Variants in NBPF3 observed in about 807,000 individuals in gnomAD.
NBPF3 encodes the protein NBPF family member NBPF3.
A neutral mutation model predicts 78.1 loss-of-function variants in NBPF3; 57 were observed. That is an observed-to-expected ratio of 0.73 (90% CI 0.59 to 0.91). The LOEUF (loss-of-function observed/expected upper bound fraction) is 0.91, where lower values mean the gene tolerates loss of function less well. NBPF3 is among the 40% of genes least tolerant of loss of function. NBPF3 has a pLI of 0.00. For missense variants in NBPF3, 510 were observed against 715.3 expected, an observed-to-expected ratio of 0.71 and a Z score of 3.27; for synonymous variants, 182 against 271.7, an observed-to-expected ratio of 0.67 and a Z score of 3.25.
rs7517116 is a variant in NBPF3, at chr1:21,473,312, A to C, written c.735-68A>C. The C allele has an allele frequency of 8.4e-6, 13 of 1,554,916 alleles. No individual in the cohort carries two copies. The Admixed American group carries it at 2.0e-4, about 24-fold the overall frequency. On this transcript the variant is annotated intron_variant, in intron 6 of 14. Coordinates refer to ENST00000318249, the MANE Select transcript of NBPF3 (RefSeq NM_032264.6). ...TTAATGCCTCCTGTCGAAACCAGCTAGCACTCCCTGGTGTCCAATCCCTCT... is the reference window on the plus strand; with the variant it reads ...TTAATGCCTCCTGTCGAAACCAGCTCGCACTCCCTGGTGTCCAATCCCTCT...
intron 2 of NBPF3, among the ~76,000 whole-genome samples, chr1:21,447,367 T>C (rs1378263318): frequency 6.6e-6 from 1 of 152,200 alleles, no homozygotes; most frequent in Non-Finnish European, 1.5e-5. Flanking sequence ...TACAGCGTCA[T>C]GCGAAATAGT....
chr1:21,437,922 T>G (rs563419235), upstream of NBPF3, among the ~76,000 whole-genome samples: 21 of 152,108 alleles, frequency 1.4e-4, no homozygotes, highest in South Asian at 4.2e-3. Context: ...CCTCCCAGGT[T>G]TAAGCAATTC....
chr1:21,437,628 T>G, upstream of NBPF3: 1 of 386,380 alleles, frequency 2.6e-6, no homozygotes, highest in Non-Finnish European at 4.6e-6. Context: ...TGCACTAATA[T>G]GGTCGCCACT....
At chr1:21,437,517 A>C, upstream of NBPF3, 2 of 1,435,834 alleles carry the variant, frequency 1.4e-6, no homozygotes, top group Non-Finnish European at 1.9e-6. Context: ...CGGAGAGCCA[A>C]GAAGCTCCTG....
At chr1:21,470,542 T>G in intron 3 of NBPF3, 90 bp from the exon 4 acceptor site, 1 of 1,019,812 alleles carries the variant, frequency 9.8e-7, no homozygotes, top group Admixed American at 1.9e-5. Flanking sequence ...AGTTTTGTCC[T>G]TGGGATGGAC....
At chr1:21,468,309 T>G (rs1268677447) in intron 2 of NBPF3, 2 of 839,732 alleles carry the variant, frequency 2.4e-6, no homozygotes, top group Non-Finnish European at 1.5e-6. Flanking sequence ...TTTAGAGGAA[T>G]GATCCCCATT....
At position 21,479,390 on chromosome 1, in the gene NBPF3, A is replaced by G; in HGVS notation, c.1198A>G (p.Thr400Ala). 1.2e-6 allele frequency: 2 copies of G among 1,610,930 alleles called. No homozygotes were observed. Among genetic ancestry groups the G allele is most frequent in the South Asian group, 1.1e-5 (1 of 91,064 alleles). Reference protein sequence around the residue: ...DQVKKEDQEATSPRLSRELLD... With the variant: ...DQVKKEDQEAASPRLSRELLD... Reference sequence around the variant, plus strand: ...AGTGAAAAAGGAGGACCAAGAGGCCACAAGTCCCAGGTGAGTCTGAGAAAT... The same window carrying G: ...AGTGAAAAAGGAGGACCAAGAGGCCGCAAGTCCCAGGTGAGTCTGAGAAAT... Residue 400 changes from threonine (T) to alanine (A), a missense_variant, in exon 10 of 15, where the codon ACA becomes GCA. Physicochemically the swap from Thr to Ala is moderately conservative, Grantham distance 58 (BLOSUM62 0). Transcript: ENST00000318249.
chr1:21,483,079 T>C, intron 14 of NBPF3, 64 bp from the exon 15 acceptor site: 4 of 1,608,288 alleles, frequency 2.5e-6, no homozygotes, highest in Non-Finnish European at 3.4e-6. Flanking sequence ...CCCTGAAATC[T>C]AGTTGGGGCT....
chr1:21,479,804 C>CTCTA (rs1553398265), intron 10 of NBPF3, among the ~76,000 whole-genome samples: 2 of 65,366 alleles, frequency 3.1e-5, no homozygotes, highest in Non-Finnish European at 7.9e-5. Flanking sequence ...CTCTCTCTCT[C>CTCTA]TCTCTCTCTC....
intron 7 of NBPF3, 127 bp from the exon 8 acceptor site, chr1:21,474,773 C>G: frequency 1.1e-6 from 1 of 900,474 alleles, no homozygotes; most frequent in South Asian, 1.3e-5. Context: ...CCCTGGAGTG[C>G]TCCTGTCAGA....
At position 21,445,020 on chromosome 1, in the gene NBPF3, T is replaced by A. The variant is rs1640880914; in HGVS notation, c.-67T>A. ...GACCCAGGCTCTCACCAGCCAATTG[T>A]CCCTTGCCGTCCTCCTGAGGGTATC... On this transcript the variant is annotated 5_prime_UTR_variant, in exon 2 of 15. Coordinates refer to ENST00000318249, the MANE Select transcript of NBPF3 (RefSeq NM_032264.6). The A allele has an allele frequency of 6.5e-7, 1 of 1,531,140 alleles. No individual in the cohort carries two copies. Among genetic ancestry groups the A allele is most frequent in the Admixed American group, 2.0e-5 (1 of 50,146 alleles). 94.8% of individuals were successfully genotyped at this position (1,531,140 alleles called of 1,614,324 possible). A position where few individuals can be genotyped will look rare whatever the true frequency, so the allele number is the denominator to read the frequency against.
rs780423029 is a variant in NBPF3, at chr1:21,468,893, T to C, written c.339T>C (p.Asn113=). 90 of 1,612,112 alleles carry C rather than the reference T, an allele frequency of 5.6e-5. No individual in the cohort carries two copies. The highest frequency in any genetic ancestry group is 1.8e-4 in the South Asian group (16 of 91,012). ...VAYFLANRQN[N]YDYEDCKDLI... is the part of the protein sequence containing the mutation. ...ACTTCCTGGCCAACCGGCAAAATAA[T>C]TACGGTAAGTTCTATAGGCTCACCA... The change falls in exon 3 of 15, where the codon AAT becomes AAC. Residue 113 remains asparagine, a synonymous_variant. Coordinates refer to ENST00000318249, the MANE Select transcript of NBPF3 (RefSeq NM_032264.6).
chr1:21,470,878 A>C, intron 4 of NBPF3, 144 bp downstream of exon 4: 1 of 550,440 alleles, frequency 1.8e-6, no homozygotes, highest in Non-Finnish European at 3.4e-6. Context: ...ACAAAGATTT[A>C]TCAAGCAGAG....
At chr1:21,479,852 G>GTGTGTGTGTGTGTGTGTA (rs1293243769) in intron 10 of NBPF3, among the ~76,000 whole-genome samples, 199 bp from the exon 11 acceptor site, 3 of 150,276 alleles carry the variant, frequency 2.0e-5, no homozygotes, top group African/African-American at 7.3e-5. Context: ...GTGTGTGTGT[G>GTGTGTGTGTGTGTGTGTA]TATGTGTATG....
At chr1:21,459,802 C>T in intron 2 of NBPF3, 1 of 299,152 alleles carries the variant, frequency 3.3e-6, no homozygotes. Flanking sequence ...GTGGGGGCTC[C>T]ACCGATGCTC....
At chr1:21,459,809 G>T in intron 2 of NBPF3, 1 of 289,074 alleles carries the variant, frequency 3.5e-6, no homozygotes. Context: ...CTCCACCGAT[G>T]CTCTTCGTTT....
At chr1:21,477,971 C>G in intron 8 of NBPF3, 173 bp from the exon 9 acceptor site, 1 of 1,426,528 alleles carries the variant, frequency 7.0e-7, no homozygotes, top group Non-Finnish European at 9.5e-7. Flanking sequence ...GTCCTCAGAG[C>G]AGTCACCCTC....
At chr1:21,463,443 G>A (rs1331762968) in intron 2 of NBPF3, among the ~76,000 whole-genome samples, 4 of 152,242 alleles carry the variant, frequency 2.6e-5, no homozygotes, top group South Asian at 2.1e-4. Flanking sequence ...GAGAAACATC[G>A]GTAATGGACA....
At chr1:21,445,851 G>A (rs1640939738) in intron 2 of NBPF3, among the ~76,000 whole-genome samples, 1 of 152,160 alleles carries the variant, frequency 6.6e-6, no homozygotes, top group Non-Finnish European at 1.5e-5. Flanking sequence ...ACCTTGTGGT[G>A]GACACCTTCT....
Sources: gnomAD v4.1 joint callset for allele counts (sites outside exome capture counted in the v4.1 genomes callset) on GRCh38, gnomAD v4.1.1 for gene constraint, MANE v1.5 for transcripts, NCBI Gene and HGNC (gene_info 2026-07-23, HGNC 2026-07-21) for gene names.